The following TCF20 variants were observed in gnomAD, a reference collection of about 807,000 sequenced individuals.
TCF20 encodes the protein SPRE-binding protein.
A neutral mutation model predicts 148.6 loss-of-function variants in TCF20; 3 were observed. The observed-to-expected ratio is 0.02, with a 90% CI of 0.01 to 0.05. TCF20 has a LOEUF of 0.05. TCF20 is among the 10% of genes least tolerant of loss of function. The pLI, the probability that TCF20 is intolerant of heterozygous loss-of-function variation, is 1.00. For synonymous variants in TCF20, 1,049 were observed against 909.5 expected, an observed-to-expected ratio of 1.15 and a Z score of -2.76; for missense variants, 2,350 against 2,429.3, an observed-to-expected ratio of 0.97 and a Z score of 0.69.
At chr22:42,177,287 C>T (rs1358279264) in intron 3 of TCF20, among the ~76,000 whole-genome samples, 1 of 152,038 alleles carries the variant, frequency 6.6e-6, no homozygotes, top group Non-Finnish European at 1.5e-5. Flanking sequence ...TGGTGGTGGG[C>T]GCCTGTAGTC....
At chr22:42,216,040 T>C (rs562298010) in intron 1 of TCF20, among the ~76,000 whole-genome samples, 1 of 142,930 alleles carries the variant, frequency 7.0e-6, no homozygotes, top group African/African-American at 2.6e-5. Context: ...GCCTCCCAGT[T>C]ATGCGGGGGA....
rs1318858053 is a variant in TCF20, at chr22:42,338,080, T to C, written c.-37+5399A>G. 6.6e-6 allele frequency among the ~76,000 whole-genome samples: 1 copy of C among 152,138 alleles called. No homozygotes were observed. The highest frequency in any genetic ancestry group is 6.5e-5 in the Admixed American group (1 of 15,274). On this transcript the variant is annotated intron_variant, in intron 1 of 1. Coordinates refer to the TCF20 transcript ENST00000515426. This position sits in a 1 kb window ranked among gnomAD's most constrained non-coding sequence, Gnocchi z 4.0. ...GCCCCACCTGGGTCCAGTGGGGGCA[T>C]GCGTCCCAGGAAGAAAACCCTCTGG... is the stretch of plus-strand genomic sequence containing the variant.
chr22:42,275,519 C>T (rs750202441), upstream of TCF20, among the ~76,000 whole-genome samples: 4 of 152,224 alleles, frequency 2.6e-5, no homozygotes, highest in Non-Finnish European at 5.9e-5. Flanking sequence ...CTGGTCTCAC[C>T]AGTGTGTGTC....
chr22:42,268,752 G>T (rs190308689), intron 1 of TCF20, among the ~76,000 whole-genome samples: 1 of 152,124 alleles, frequency 6.6e-6, no homozygotes, highest in Non-Finnish European at 1.5e-5. Flanking sequence ...ATATGTTAAG[G>T]TGCATTCCAC....
At chr22:42,230,662 AC>A (rs1923319083) in intron 1 of TCF20, among the ~76,000 whole-genome samples, 1 of 151,708 alleles carries the variant, frequency 6.6e-6, no homozygotes, top group Admixed American at 6.6e-5. Context: ...ACCAAAGCAA[AC>A]AAACAAAAGA....
chr22:42,244,250 C>T (rs1231532640), intron 1 of TCF20, among the ~76,000 whole-genome samples: 1 of 152,114 alleles, frequency 6.6e-6, no homozygotes, highest in Non-Finnish European at 1.5e-5. Context: ...AAGTTGAATA[C>T]AGAATTACAC....
At chr22:42,195,711 G>A (rs1308357657) in intron 2 of TCF20, among the ~76,000 whole-genome samples, 2 of 152,024 alleles carry the variant, frequency 1.3e-5, no homozygotes, top group East Asian at 1.9e-4. Context: ...CGTTGGCCAG[G>A]CTAGTCTCAA....
Position 42,173,284 on chromosome 22 carries a change from A to ACC in TCF20, c.5750-3390_5750-3389dup, listed in dbSNP as rs371502466. ...CAGAGCTCATGCTCTTATTACTGTA[A>ACC]CCCCCCCCACCTGGAGCCAAATCCT... On this transcript the variant is annotated intron_variant, in intron 3 of 5. Transcript: ENST00000677622. Among the ~76,000 whole-genome samples the ACC allele has an allele frequency of 4.4e-3, 654 of 150,032 alleles. 4 individuals carry two copies. The highest frequency in any genetic ancestry group is 0.015 in the African/African-American group (618 of 40,644).
In TCF20 at chr22:42,267,144, G is replaced by T. The variant is rs139101439; in HGVS notation, c.-37+3195C>A. On this transcript the variant is annotated intron_variant, in intron 1 of 5. Coordinates refer to ENST00000677622, the MANE Select transcript of TCF20 (RefSeq NM_001378418.1). ...TAGCCAGGCGAGGTGGCGCATGCCT[G>T]TAATCCTAGCTACTCGGGAGGCTGA... Among the ~76,000 whole-genome samples the T allele has an allele frequency of 1.7e-3, 256 of 152,200 alleles. 2 individuals carry two copies. The highest frequency in any genetic ancestry group is 6.0e-3 in the African/African-American group (249 of 41,528).
chr22:42,335,622 G>A (rs1928052954), intron 1 of TCF20, among the ~76,000 whole-genome samples: 1 of 152,194 alleles, frequency 6.6e-6, no homozygotes, highest in African/African-American at 2.4e-5. Flanking sequence ...TGAGCAGACA[G>A]CAGGGGGGCA....
At chr22:42,178,542 A>G (rs920281193) in intron 3 of TCF20, among the ~76,000 whole-genome samples, 3 of 151,894 alleles carry the variant, frequency 2.0e-5, no homozygotes, top group African/African-American at 7.3e-5. Flanking sequence ...CAGAGAATGG[A>G]AGAAAACATT....
chr22:42,273,021 AT>A (rs537671241), upstream of TCF20, among the ~76,000 whole-genome samples: 8 of 149,932 alleles, frequency 5.3e-5, no homozygotes, highest in East Asian at 6.0e-4. Context: ...AAAGAAAAAA[AT>A]TTTTTTTTAA....
At chr22:42,329,058 T>C (rs1262536137) in intron 1 of TCF20, among the ~76,000 whole-genome samples, 6 of 152,220 alleles carry the variant, frequency 3.9e-5, no homozygotes, top group Non-Finnish European at 5.9e-5. Flanking sequence ...GTTAATTTCA[T>C]TTCCCCGCTC....
chr22:42,223,588 A>G (rs1287697917), intron 1 of TCF20, among the ~76,000 whole-genome samples: 1 of 152,048 alleles, frequency 6.6e-6, no homozygotes, highest in Non-Finnish European at 1.5e-5. Flanking sequence ...CAGAAGTTAA[A>G]CAAGCAAAAT....
At chr22:42,206,108 T>C (rs892386123) in intron 2 of TCF20, among the ~76,000 whole-genome samples, 7 of 152,124 alleles carry the variant, frequency 4.6e-5, no homozygotes, top group Non-Finnish European at 7.4e-5. Flanking sequence ...TCTAGAGATT[T>C]GCTGGGGAAG....
At chr22:42,224,073 T>A (rs1323083288) in intron 1 of TCF20, among the ~76,000 whole-genome samples, 2 of 152,188 alleles carry the variant, frequency 1.3e-5, no homozygotes, top group African/African-American at 2.4e-5. Flanking sequence ...AAGATTGCTT[T>A]CTGGGTGTCA....
chr22:42,170,597 C>A (rs1315548729), intron 3 of TCF20, among the ~76,000 whole-genome samples: 1 of 120,968 alleles, frequency 8.3e-6, no homozygotes, highest in African/African-American at 3.3e-5. Context: ...CACTGCACTC[C>A]AGCCTGGTGA....
chr22:42,212,214 T>G lies in TCF20; in HGVS notation c.3092A>C (p.His1031Pro). The G allele has an allele frequency of 1.2e-6, 2 of 1,614,250 alleles. No homozygotes were observed. The highest frequency in any genetic ancestry group is 8.5e-7 in the Non-Finnish European group (1 of 1,180,042). The part of the protein sequence containing the change: ...GRSRGPGGDP[H>P]HMNPHMTFSE... ...AAAGGTCATGTGTGGATTCATGTGA[T>G]GAGGGTCTCCCCCTGGGCCTCTGCT... is the stretch of plus-strand genomic sequence containing the variant. Residue 1031 changes from histidine (H) to proline (P), a missense_variant, in exon 2 of 6, where the codon CAT becomes CCT. This residue lies in a region of TCF20 where 1,641 missense variants were observed against 1,662.6 expected (regional missense o/e 0.99). Coordinates refer to ENST00000677622, the MANE Select transcript of TCF20 (RefSeq NM_001378418.1).
At chr22:42,286,683 C>T (rs1927037512), upstream of TCF20, among the ~76,000 whole-genome samples, 1 of 152,194 alleles carries the variant, frequency 6.6e-6, no homozygotes, top group African/African-American at 2.4e-5. Context: ...AGAAAGTGCG[C>T]TTCAGGGGAT....
Sources: gnomAD v4.1 joint callset for allele counts (sites outside exome capture counted in the v4.1 genomes callset) on GRCh38, gnomAD v4.1.1 for gene constraint, gnomAD v4.1.1 regional missense constraint, Gnocchi (gnomAD v3.1) non-coding constraint, MANE v1.5 for transcripts, NCBI Gene and HGNC (gene_info 2026-07-23, HGNC 2026-07-21) for gene names.